The following TOR1AIP1 variants were observed in gnomAD, a reference collection of about 807,000 sequenced individuals.
TOR1AIP1 encodes the protein torsin-1A-interacting protein 1.
In TOR1AIP1, 54 loss-of-function variants were observed where a neutral mutation model predicts 63.3. That is an observed-to-expected ratio of 0.85 (90% CI 0.69 to 1.07). The LOEUF (loss-of-function observed/expected upper bound fraction) is 1.07. Ranked by LOEUF, TOR1AIP1 falls within the 50% of genes least tolerant of loss-of-function variation. The pLI is 0.00. For synonymous variants in TOR1AIP1, 294 were observed against 273.5 expected (o/e 1.07, Z -0.74); for missense variants, 736 against 715.0 (o/e 1.03, Z -0.33).
intron 8 of TOR1AIP1, among the ~76,000 whole-genome samples, chr1:179,912,570 T>A (rs1008793174): frequency 6.6e-6 from 1 of 152,224 alleles, no homozygotes; most frequent in Non-Finnish European, 1.5e-5. Context: ...TCTCATTTGA[T>A]CTTTGCAACC....
intron 6 of TOR1AIP1, among the ~76,000 whole-genome samples, chr1:179,907,428 C>CA (rs765148475): frequency 0.019 from 931 of 50,270 alleles, 7 homozygotes; most frequent in African/African-American, 0.042. Flanking sequence ...GACCCTGTCT[C>CA]AAAAAAAAAA....
chr1:179,903,723 G>A (rs1254785877), intron 5 of TOR1AIP1, among the ~76,000 whole-genome samples: 5 of 152,012 alleles, frequency 3.3e-5, no homozygotes, highest in African/African-American at 1.2e-4. Context: ...TGGCCAGGAT[G>A]GTCTCAATCT....
intron 6 of TOR1AIP1, among the ~76,000 whole-genome samples, 168 bp from the exon 7 acceptor site, chr1:179,907,655 T>A (rs1035953955): frequency 9.4e-5 from 13 of 138,804 alleles, no homozygotes; most frequent in Admixed American, 2.2e-4. Context: ...TGTATGTTTT[T>A]TATATATATA....
intron 8 of TOR1AIP1, chr1:179,913,730 T>C: frequency 2.9e-6 from 2 of 692,210 alleles, no homozygotes; most frequent in Non-Finnish European, 5.3e-6. Context: ...GGTCAAATAC[T>C]TCCAAACTTT....
At chr1:179,901,256 G>A in intron 4 of TOR1AIP1, 46 bp from the exon 5 acceptor site, 1 of 1,273,584 alleles carries the variant, frequency 7.9e-7, no homozygotes, top group Non-Finnish European at 1.1e-6. Flanking sequence ...CAGATCTTCT[G>A]AGCATTAAAA....
intron 2 of TOR1AIP1, among the ~76,000 whole-genome samples, chr1:179,885,347 T>C (rs1201060284): frequency 6.6e-6 from 1 of 152,206 alleles, no homozygotes; most frequent in Non-Finnish European, 1.5e-5. Context: ...ATATGATGCA[T>C]CCCAATTTCA....
rs755204601 is a variant in TOR1AIP1 at position 179,882,588 on chromosome 1, G to C, written c.86G>C (p.Arg29Thr). Reference protein sequence around the residue: ...VTPRAPIREGRGRLAPQNGGS... With the variant: ...VTPRAPIREGTGRLAPQNGGS... ...CCCAGGGCCCCCATCCGAGAGGGAA[G>C]GGGCCGGCTCGCCCCTCAAAATGGC... is the stretch of plus-strand genomic sequence containing the variant. Residue 29 changes from arginine (R) to threonine (T), a missense_variant, in exon 1 of 10, where the codon AGG becomes ACG. Coordinates refer to ENST00000606911, the MANE Select transcript of TOR1AIP1 (RefSeq NM_015602.4). The C allele has an allele frequency of 2.6e-6, 4 of 1,522,938 alleles. No individual in the cohort carries two copies. In the East Asian group the frequency reaches 9.1e-5, roughly 35 times the overall value. The allele number at this position is 1,522,938 out of a possible 1,614,324, so 94.3% of individuals were successfully genotyped here. A position where few individuals can be genotyped will look rare whatever the true frequency, so the allele number is the denominator to read the frequency against.
rs575555146 is a variant in TOR1AIP1 at position 179,907,549 on chromosome 1, A to AT, written c.797-270dup. 5.3e-3 allele frequency among the ~76,000 whole-genome samples: 783 copies of AT among 149,120 alleles called. 8 individuals carry two copies. The highest frequency in any genetic ancestry group is 0.021 in the South Asian group (99 of 4,744). On this transcript the variant is annotated intron_variant, in intron 6 of 9. Transcript: ENST00000606911. Reference sequence around the variant, plus strand: ...CCTTATTGTTGCCCAATTCCTAAACATTTTGAAGTTTAGAAATGAGGGGGA... The same window carrying AT: ...CCTTATTGTTGCCCAATTCCTAAACATTTTTGAAGTTTAGAAATGAGGGGGA...
intron 9 of TOR1AIP1, 62 bp from the exon 10 acceptor site, chr1:179,917,390 C>A: frequency 7.1e-7 from 1 of 1,402,546 alleles, no homozygotes; most frequent in Non-Finnish European, 9.7e-7. Flanking sequence ...TTTTAAAAGT[C>A]ACTTGCCCCT....
chr1:179,914,191 T>C, intron 9 of TOR1AIP1, 137 bp downstream of exon 9: 1 of 741,724 alleles, frequency 1.3e-6, no homozygotes. Flanking sequence ...GAGGAAAAAG[T>C]ATATATTCTA....
chr1:179,912,010 T>C (rs1648855019), intron 8 of TOR1AIP1, among the ~76,000 whole-genome samples: 2 of 51,018 alleles, frequency 3.9e-5, no homozygotes, highest in Admixed American at 4.5e-4. Flanking sequence ...TTCTTTTTTT[T>C]CTTTTTTTTT....
rs764887380 is a variant in TOR1AIP1 at position 179,884,753 on chromosome 1, C to T, written c.537C>T (p.Ser179=). Residue 179 remains serine, a synonymous_variant, in exon 2 of 10, where the codon AGC becomes AGT. Coordinates refer to ENST00000606911, the MANE Select transcript of TOR1AIP1 (RefSeq NM_015602.4). The stretch of plus-strand genomic sequence containing the variant: ...CGATCTCAAAGAAAACTGTCAGGAG[C>T]ATACAAGAGGCTCCAGGTAAGAATA... ...SQTISKKTVR[S]IQEAPVSEDL... is the part of the protein sequence containing the mutation. 1.1e-5 allele frequency: 17 copies of T among 1,609,946 alleles called. No homozygotes were observed. The highest frequency in any genetic ancestry group is 3.3e-4 in the Middle Eastern group (2 of 6,072).
In TOR1AIP1 at chr1:179,906,742, C is replaced by A. The variant is rs1034674605; in HGVS notation, c.797-1081C>A. On this transcript the variant is annotated intron_variant, in intron 6 of 9. Coordinates refer to ENST00000606911, the MANE Select transcript of TOR1AIP1 (RefSeq NM_015602.4). ...ATTACCAATTTTGGTTCCCCCCCCC[C>A]CTTTTTTTTTTTTGAGACAGAGTCT... is the stretch of plus-strand genomic sequence containing the variant. Among the ~76,000 whole-genome samples, 115 of 134,870 alleles carry A rather than the reference C, an allele frequency of 8.5e-4. 2 individuals carry two copies. Among genetic ancestry groups the A allele is most frequent in the Non-Finnish European group, 1.3e-3 (78 of 62,320 alleles). 88.5% of individuals were successfully genotyped at this position (134,870 alleles called of 152,430 possible).
chr1:179,909,165 AAAG>A (rs1241137135), intron 8 of TOR1AIP1, among the ~76,000 whole-genome samples: 1 of 152,080 alleles, frequency 6.6e-6, no homozygotes, highest in Non-Finnish European at 1.5e-5. Context: ...CATCTGAAAA[AAAG>A]AAAAAAAAAG....
At chr1:179,883,030 G>A (rs138905212) in intron 1 of TOR1AIP1, 53 bp downstream of exon 1, 42,552 of 1,529,036 alleles carry the variant, frequency 0.028, 712 homozygotes, top group Non-Finnish European at 0.032. Flanking sequence ...ACGCGCGGGG[G>A]CGGGCGCGCG....
chr1:179,884,874 C>G, intron 2 of TOR1AIP1, 105 bp downstream of exon 2: 2 of 805,840 alleles, frequency 2.5e-6, no homozygotes, highest in South Asian at 3.8e-5. Flanking sequence ...AGGGCAGACA[C>G]GTGAGTACTC....
chr1:179,912,352 ATTG>A (rs960974272), intron 8 of TOR1AIP1, among the ~76,000 whole-genome samples: 1 of 152,116 alleles, frequency 6.6e-6, no homozygotes, highest in Non-Finnish European at 1.5e-5. Flanking sequence ...GTTTTTTAGA[ATTG>A]TTGTTAGCAT....
intron 6 of TOR1AIP1, among the ~76,000 whole-genome samples, chr1:179,907,171 G>A (rs1485094139): frequency 2.0e-5 from 3 of 151,758 alleles, no homozygotes; most frequent in Non-Finnish European, 4.4e-5. Flanking sequence ...AGCATTTGAG[G>A]TCAGGAATTT....
chr1:179,894,649 G>A (rs1455736094), intron 3 of TOR1AIP1, among the ~76,000 whole-genome samples: 10 of 151,996 alleles, frequency 6.6e-5, no homozygotes, highest in African/African-American at 9.7e-5. Context: ...TCGTGCCATC[G>A]CACTCCACTG....
Sources: gnomAD v4.1 joint callset for allele counts (sites outside exome capture counted in the v4.1 genomes callset) on GRCh38, gnomAD v4.1.1 for gene constraint, MANE v1.5 for transcripts, NCBI Gene and HGNC (gene_info 2026-07-23, HGNC 2026-07-21) for gene names.